The following MGAT4C variants were observed in gnomAD, a reference collection of about 807,000 sequenced individuals.
MGAT4C encodes MGAT4 family member C.
A neutral mutation model predicts 40.1 loss-of-function variants in MGAT4C; 19 were observed. That is an observed-to-expected ratio of 0.47 (90% CI 0.33 to 0.70). The LOEUF is 0.70. Ranked by LOEUF, MGAT4C falls within the 30% of genes least tolerant of loss-of-function variation. MGAT4C has a pLI of 0.02. For synonymous variants in MGAT4C, 181 were observed against 187.1 expected (o/e 0.97, Z 0.27); for missense variants, 491 against 563.2 (o/e 0.87, Z 1.30).
At chr12:86,566,399 C>T (rs1036298586) in intron 2 of MGAT4C, among the ~76,000 whole-genome samples, 1 of 150,888 alleles carries the variant, frequency 6.6e-6, no homozygotes, top group African/African-American at 2.4e-5. Context: ...GTGGATGCTC[C>T]CTGCCCTTGA....
At chr12:86,385,739 C>A (rs1956037454) in intron 3 of MGAT4C, among the ~76,000 whole-genome samples, 1 of 152,164 alleles carries the variant, frequency 6.6e-6, no homozygotes, top group Non-Finnish European at 1.5e-5. Context: ...TGTCTACCAA[C>A]ACCTGTCTCA....
intron 3 of MGAT4C, among the ~76,000 whole-genome samples, chr12:86,371,577 A>T (rs927767495): frequency 1.3e-5 from 2 of 151,926 alleles, no homozygotes; most frequent in African/African-American, 2.4e-5. Flanking sequence ...TTAAATTTTT[A>T]AAAAATATGT....
Position 85,959,690 on chromosome 12 carries a change from TCTCA to T in MGAT4C, c.*19595_*19598del, listed in dbSNP as rs1176547702. 2.0e-5 allele frequency: 3 copies of T among 151,412 alleles called. No homozygotes were observed. The highest frequency in any genetic ancestry group is 4.4e-5 in the Non-Finnish European group (3 of 67,796). 9.4% of individuals were successfully genotyped at this position (151,412 alleles called of 1,614,324 possible). A position where few individuals can be genotyped will look rare whatever the true frequency, so the allele number is the denominator to read the frequency against. ...TCATCTTTCACTCACCTTAACAATT[TCTCA>T]CTTTTTTCTGCTTTTTTTTTTTTTT... is the stretch of plus-strand genomic sequence containing the variant. On this transcript the variant is annotated 3_prime_UTR_variant, in exon 5 of 5. Coordinates refer to ENST00000611864, the MANE Select transcript of MGAT4C (RefSeq NM_001351288.2).
intron 2 of MGAT4C, among the ~76,000 whole-genome samples, chr12:86,554,037 C>A (rs1414423197): frequency 6.6e-6 from 1 of 151,812 alleles, no homozygotes; most frequent in East Asian, 1.9e-4. Context: ...TTTGTTTCTT[C>A]CTTTTTTTTC....
At chr12:86,740,882 C>T (rs1951058606) in intron 1 of MGAT4C, among the ~76,000 whole-genome samples, 1 of 151,088 alleles carries the variant, frequency 6.6e-6, no homozygotes, top group Non-Finnish European at 1.5e-5. Flanking sequence ...ACAGAGAGTA[C>T]ATTTGCAGGT....
intron 2 of MGAT4C, among the ~76,000 whole-genome samples, chr12:86,652,067 A>C (rs778803974): frequency 2.0e-5 from 3 of 151,874 alleles, no homozygotes; most frequent in African/African-American, 7.2e-5. Flanking sequence ...ATAACTTCAT[A>C]ATAAGTAGTT....
At chr12:86,017,589 C>A (rs1246646632) in intron 2 of MGAT4C, among the ~76,000 whole-genome samples, 1 of 152,092 alleles carries the variant, frequency 6.6e-6, no homozygotes, top group Non-Finnish European at 1.5e-5. Flanking sequence ...AATATTGACA[C>A]TATGTACAGT....
intron 2 of MGAT4C, among the ~76,000 whole-genome samples, chr12:86,705,589 C>T (rs1345059284): frequency 1.3e-5 from 2 of 151,886 alleles, no homozygotes; most frequent in African/African-American, 4.8e-5. Flanking sequence ...AATGTATAAG[C>T]AAATGTGCCT....
At chr12:86,744,657 A>G (rs1429789295) in intron 1 of MGAT4C, among the ~76,000 whole-genome samples, 1 of 151,534 alleles carries the variant, frequency 6.6e-6, no homozygotes, top group Non-Finnish European at 1.5e-5. Flanking sequence ...ATTATTCACT[A>G]TTTCAAGGTG....
chr12:86,345,285 A>C (rs138117571), intron 3 of MGAT4C, among the ~76,000 whole-genome samples: 7 of 151,012 alleles, frequency 4.6e-5, no homozygotes, highest in Non-Finnish European at 1.0e-4. Flanking sequence ...TATTTTTATT[A>C]TTATTATACT....
intron 2 of MGAT4C, among the ~76,000 whole-genome samples, chr12:86,693,395 G>C (rs942640110): frequency 5.9e-5 from 9 of 152,082 alleles, no homozygotes; most frequent in Admixed American, 5.9e-4. Flanking sequence ...AAACAAATGA[G>C]GGTGGAAAAT....
chr12:86,747,401 C>G (rs557369099), intron 1 of MGAT4C, among the ~76,000 whole-genome samples: 1 of 151,688 alleles, frequency 6.6e-6, no homozygotes, highest in South Asian at 2.1e-4. Context: ...ACTATTTAAT[C>G]AGCCTGTACT....
chr12:86,603,809 G>C (rs891687476), intron 2 of MGAT4C, among the ~76,000 whole-genome samples: 4 of 132,746 alleles, frequency 3.0e-5, no homozygotes, highest in African/African-American at 1.1e-4. Flanking sequence ...ATATTATATA[G>C]TATATAATAA....
At chr12:86,837,802 C>G (rs867938877) in intron 1 of MGAT4C, among the ~76,000 whole-genome samples, 1 of 152,134 alleles carries the variant, frequency 6.6e-6, no homozygotes, top group Non-Finnish European at 1.5e-5. Context: ...TGATACAGAA[C>G]ATACACACAC....
At chr12:86,511,504 T>G (rs1172651037) in intron 2 of MGAT4C, among the ~76,000 whole-genome samples, 1 of 152,102 alleles carries the variant, frequency 6.6e-6, no homozygotes, top group Non-Finnish European at 1.5e-5. Context: ...AACTGACATG[T>G]TTTAAATCTA....
At chr12:86,219,859 C>T (rs762940867) in intron 1 of MGAT4C, among the ~76,000 whole-genome samples, 14 of 152,150 alleles carry the variant, frequency 9.2e-5, no homozygotes, top group Non-Finnish European at 1.9e-4. Flanking sequence ...GACTTATGCT[C>T]TTATGAACTC....
chr12:86,712,685 A>C (rs913803717), intron 2 of MGAT4C, among the ~76,000 whole-genome samples: 1 of 152,112 alleles, frequency 6.6e-6, no homozygotes, highest in African/African-American at 2.4e-5. Flanking sequence ...GTAGAAACAA[A>C]ATTAATTTTG....
At chr12:86,319,952 C>T (rs773957946) in intron 4 of MGAT4C, among the ~76,000 whole-genome samples, 3 of 151,956 alleles carry the variant, frequency 2.0e-5, no homozygotes, top group Non-Finnish European at 4.4e-5. Context: ...AATAAATTCA[C>T]GATGTACTGA....
chr12:86,827,835 A>C (rs2136233066), intron 1 of MGAT4C, among the ~76,000 whole-genome samples: 1 of 151,630 alleles, frequency 6.6e-6, no homozygotes, highest in Non-Finnish European at 1.5e-5. Flanking sequence ...ATTAATCATA[A>C]GTAAATAAAT....
Sources: allele counts gnomAD v4.1 joint callset (sites outside exome capture counted in the v4.1 genomes callset), GRCh38; gene constraint gnomAD v4.1.1; transcripts MANE v1.5; gene names NCBI Gene and HGNC (gene_info 2026-07-23, HGNC 2026-07-21).